The following ELAVL2 variants were observed in gnomAD, a reference collection of about 807,000 sequenced individuals.
The protein encoded by ELAVL2 is ELAV-like protein 2.
In ELAVL2, 4 loss-of-function variants were observed where a neutral mutation model predicts 34.6. The observed-to-expected ratio is 0.12, with a 90% CI of 0.06 to 0.26. The LOEUF is 0.26. Ranked by LOEUF, ELAVL2 falls within the 10% of genes least tolerant of loss-of-function variation. The pLI, the probability that ELAVL2 is intolerant of heterozygous loss-of-function variation, is 1.00. For missense variants in ELAVL2, 432 were observed against 442.8 expected (o/e 0.98, Z 0.22); for synonymous variants, 193 against 154.8 (o/e 1.25, Z -1.83).
intron 1 of ELAVL2, among the ~76,000 whole-genome samples, chr9:23,791,447 C>T (rs927223499): frequency 2.6e-5 from 4 of 152,310 alleles, no homozygotes; most frequent in South Asian, 4.1e-4. Context: ...TAATCTCCAA[C>T]GTGACTATAT....
At chr9:23,781,886 G>A (rs1470253356) in intron 1 of ELAVL2, among the ~76,000 whole-genome samples, 3 of 152,012 alleles carry the variant, frequency 2.0e-5, no homozygotes, top group African/African-American at 2.4e-5. Flanking sequence ...GGGTTTCAGC[G>A]TGTTAGTCAG....
At chr9:23,723,689 G>C (rs530384761) in intron 3 of ELAVL2, among the ~76,000 whole-genome samples, 1 of 152,036 alleles carries the variant, frequency 6.6e-6, no homozygotes, top group East Asian at 1.9e-4. Context: ...ACTATTTTCA[G>C]TGTCTTCTAT....
At position 23,695,841 on chromosome 9, in the gene ELAVL2, T is replaced by C. The variant is rs575281988; in HGVS notation, c.714-2355A>G. The stretch of plus-strand genomic sequence containing the variant: ...TATATTATGGTACCACGGTCGTACA[T>C]GTGATTAACTGAAACGTTATGTGAT... On this transcript the variant is annotated intron_variant, in intron 5 of 6. Transcript: ENST00000397312. Among the ~76,000 whole-genome samples, 173 of 152,286 alleles carry C rather than the reference T, an allele frequency of 1.1e-3. 2 individuals are homozygous for C. The highest frequency in any genetic ancestry group is 3.8e-3 in the African/African-American group (160 of 41,578).
At chr9:23,720,132 G>T (rs1047516020) in intron 3 of ELAVL2, among the ~76,000 whole-genome samples, 1 of 148,464 alleles carries the variant, frequency 6.7e-6, no homozygotes, top group East Asian at 2.1e-4. Context: ...TGGCTCAAAA[G>T]CCACTTTCAA....
intron 5 of ELAVL2, among the ~76,000 whole-genome samples, chr9:23,697,941 C>T (rs1018483133): frequency 3.0e-4 from 45 of 151,504 alleles, no homozygotes; most frequent in African/African-American, 1.1e-3. Context: ...CTTCTTACTG[C>T]CTTACTGCCT....
At chr9:23,824,052 C>G (rs1181770029) in intron 1 of ELAVL2, among the ~76,000 whole-genome samples, 2 of 152,150 alleles carry the variant, frequency 1.3e-5, no homozygotes, top group African/African-American at 4.8e-5. Flanking sequence ...GGAGAAAGTA[C>G]AGAGACCTCC....
intron 4 of ELAVL2, among the ~76,000 whole-genome samples, chr9:23,702,316 G>C (rs190200519): frequency 2.0e-5 from 3 of 152,200 alleles, no homozygotes; most frequent in South Asian, 4.1e-4. Flanking sequence ...AAGCATCAAA[G>C]CTTTCTGACC....
Position 23,707,675 on chromosome 9 carries a change from C to G in ELAVL2, c.334-2604G>C, listed in dbSNP as rs558700539. On this transcript the variant is annotated intron_variant, in intron 3 of 6. Coordinates refer to ENST00000397312, the MANE Select transcript of ELAVL2 (RefSeq NM_004432.5). ...TTTAATTCATAACCAGTTCTGTGAA[C>G]TTAGAACTAAGTTCTTCAAGCCTAT... Among the ~76,000 whole-genome samples the G allele has an allele frequency of 1.8e-4, 27 of 152,334 alleles. No homozygotes were observed. In the South Asian group the frequency reaches 5.4e-3, roughly 30 times the overall value.
chr9:23,708,597 CCA>C (rs2040056736), intron 3 of ELAVL2, among the ~76,000 whole-genome samples: 2 of 152,170 alleles, frequency 1.3e-5, no homozygotes, highest in South Asian at 4.1e-4. Context: ...GAGAAACTGG[CCA>C]CAGACAGAAA....
intron 3 of ELAVL2, among the ~76,000 whole-genome samples, chr9:23,719,407 A>G (rs1360665762): frequency 6.6e-6 from 1 of 152,240 alleles, no homozygotes; most frequent in African/African-American, 2.4e-5. Flanking sequence ...TTTGTGCACC[A>G]GGATATACAT....
chr9:23,802,716 T>C (rs918490592), intron 1 of ELAVL2, among the ~76,000 whole-genome samples: 1 of 152,186 alleles, frequency 6.6e-6, no homozygotes, highest in Non-Finnish European at 1.5e-5. Flanking sequence ...CAGTAGAGCT[T>C]TCTAAAGGTT....
At chr9:23,735,110 A>AAAAAAAAAAAAAAAAAAAAAAAC (rs2047536634) in intron 2 of ELAVL2, 1 of 143,836 alleles carries the variant, frequency 7.0e-6, no homozygotes, top group South Asian at 2.2e-4. Flanking sequence ...CTCTTCAAAA[A>AAAAAAAAAAAAAAAAAAAAAAAC]AAAAAAAAAA....
chr9:23,789,974 T>A, intron 1 of ELAVL2, among the ~76,000 whole-genome samples: 1 of 152,118 alleles, frequency 6.6e-6, no homozygotes, highest in South Asian at 2.1e-4. Context: ...ATTACATTAA[T>A]TTCTAATGCC....
the ELAVL2 span, among the ~76,000 whole-genome samples, chr9:23,836,612 C>T: frequency 1.3e-5 from 2 of 152,104 alleles, no homozygotes; most frequent in East Asian, 1.9e-4. Context: ...GTTCAGTCCT[C>T]GCTTTTAAAA....
chr9:23,737,607 G>C (rs1290720935), intron 2 of ELAVL2, among the ~76,000 whole-genome samples: 5 of 152,170 alleles, frequency 3.3e-5, no homozygotes, highest in Admixed American at 6.6e-5. Context: ...GACTATTCAT[G>C]TACAAGTCAA....
intron 3 of ELAVL2, among the ~76,000 whole-genome samples, chr9:23,706,623 C>T (rs1208564593): frequency 1.3e-5 from 2 of 152,160 alleles, no homozygotes; most frequent in Non-Finnish European, 2.9e-5. Flanking sequence ...CAATATACGC[C>T]ATCCTCAGAT....
At chr9:23,831,292 C>T (rs1038788146), upstream of ELAVL2, 2 of 152,378 alleles carry the variant, frequency 1.3e-5, no homozygotes, top group African/African-American at 2.4e-5. Context: ...CCCTGCCCCC[C>T]ACCTCCCTCC....
the ELAVL2 span, among the ~76,000 whole-genome samples, chr9:23,838,471 A>C: frequency 1.3e-5 from 2 of 152,126 alleles, no homozygotes; most frequent in Non-Finnish European, 2.9e-5. Flanking sequence ...AATAATATTC[A>C]CTTCTAAAAA....
At chr9:23,746,751 G>A (rs77870215) in intron 2 of ELAVL2, among the ~76,000 whole-genome samples, 3,047 of 146,660 alleles carry the variant, frequency 0.021, 205 homozygotes, top group Admixed American at 0.13. Flanking sequence ...CTAATGAAAT[G>A]TAAGACTGAG....
Sources: allele counts gnomAD v4.1 joint callset (sites outside exome capture counted in the v4.1 genomes callset), GRCh38; gene constraint gnomAD v4.1.1; transcripts MANE v1.5; gene names NCBI Gene and HGNC (gene_info 2026-07-23, HGNC 2026-07-21).